Variants in ALK observed in about 807,000 individuals in gnomAD.
ALK encodes ALK receptor tyrosine kinase.
In ALK, 74 loss-of-function variants were observed where a neutral mutation model predicts 163.1. The observed-to-expected ratio is 0.45, with a 90% CI of 0.38 to 0.55. The LOEUF (loss-of-function observed/expected upper bound fraction) is 0.55. Among genes scored for constraint, ALK ranks in the 20% least tolerant of loss-of-function variants. The pLI is 0.00. For synonymous variants in ALK, 960 were observed against 843.2 expected, an observed-to-expected ratio of 1.14 and a Z score of -2.40; for missense variants, 2,063 against 2,105.3, an observed-to-expected ratio of 0.98 and a Z score of 0.39.
chr2:29,454,530 T>C (rs1373778851), intron 4 of ALK, among the ~76,000 whole-genome samples: 2 of 152,124 alleles, frequency 1.3e-5, no homozygotes, highest in Non-Finnish European at 2.9e-5. Flanking sequence ...GACACGAAGA[T>C]CTGATTGTAT....
chr2:29,728,969 G>C (rs1254378670), intron 1 of ALK, among the ~76,000 whole-genome samples: 1 of 152,186 alleles, frequency 6.6e-6, no homozygotes, highest in Non-Finnish European at 1.5e-5. Context: ...GATCAACCTA[G>C]AAGGCCATCT....
intron 3 of ALK, among the ~76,000 whole-genome samples, chr2:29,631,067 C>T (rs1558416782): frequency 6.6e-6 from 1 of 152,192 alleles, no homozygotes; most frequent in East Asian, 1.9e-4. Context: ...CTAACTGAAT[C>T]TACACAAACT....
intron 3 of ALK, among the ~76,000 whole-genome samples, chr2:29,641,877 C>T (rs1427964012): frequency 6.6e-6 from 1 of 152,092 alleles, no homozygotes; most frequent in East Asian, 1.9e-4. Flanking sequence ...AGTCTCTGGG[C>T]CTCAGTTTTG....
intron 1 of ALK, among the ~76,000 whole-genome samples, chr2:29,737,577 G>A (rs549297320): frequency 6.6e-6 from 1 of 152,000 alleles, no homozygotes; most frequent in Non-Finnish European, 1.5e-5. Flanking sequence ...ACTGCTCTGG[G>A]CTCCACAGTG....
At chr2:29,771,487 G>A (rs1681021429) in intron 1 of ALK, among the ~76,000 whole-genome samples, 1 of 152,052 alleles carries the variant, frequency 6.6e-6, no homozygotes, top group African/African-American at 2.4e-5. Context: ...ATGGAGTGAT[G>A]TCTTCCAAAA....
Position 29,708,626 on chromosome 2 carries a change from A to G in ALK, c.787+8952T>C, listed in dbSNP as rs77234270. 9.0e-3 allele frequency among the ~76,000 whole-genome samples: 1,377 copies of G among 152,272 alleles called. 23 individuals carry two copies. The highest frequency in any genetic ancestry group is 0.032 in the African/African-American group (1,324 of 41,552). On this transcript the variant is annotated intron_variant, in intron 2 of 28. Coordinates refer to ENST00000389048, the MANE Select transcript of ALK (RefSeq NM_004304.5). ...AGGTATTCAAGGGATGAGTTGTGTAAAGCAACAGATGGGACTGAAATGTGA... is the reference window on the plus strand; with the variant it reads ...AGGTATTCAAGGGATGAGTTGTGTAGAGCAACAGATGGGACTGAAATGTGA...
chr2:29,637,738 T>C (rs1300304717), intron 3 of ALK, among the ~76,000 whole-genome samples: 1 of 142,960 alleles, frequency 7.0e-6, no homozygotes, highest in Non-Finnish European at 1.5e-5. Context: ...CTCTTTGTGG[T>C]GCTGGGAATG....
intron 4 of ALK, among the ~76,000 whole-genome samples, chr2:29,394,576 T>C (rs905549981): frequency 1.3e-5 from 2 of 152,064 alleles, no homozygotes; most frequent in African/African-American, 4.8e-5. Context: ...CAGGAATCAC[T>C]TAGAATTAGA....
chr2:29,524,499 C>A (rs1205915418), intron 4 of ALK, among the ~76,000 whole-genome samples: 2 of 152,182 alleles, frequency 1.3e-5, no homozygotes, highest in Admixed American at 1.3e-4. Flanking sequence ...ATTATGGAAG[C>A]TCTCTGAGAT....
intron 3 of ALK, among the ~76,000 whole-genome samples, chr2:29,638,241 G>T (rs1676601029): frequency 6.6e-6 from 1 of 152,198 alleles, no homozygotes; most frequent in Non-Finnish European, 1.5e-5. Flanking sequence ...AAAGGTAATG[G>T]TGTCTACCAC....
In ALK at chr2:29,717,560, T is replaced by C. The variant is rs1298904923; in HGVS notation, c.787+18A>G. The C allele has an allele frequency of 5.0e-6, 8 of 1,613,818 alleles. No homozygotes were observed. The South Asian group carries it at 7.7e-5, about 16-fold the overall frequency. On this transcript the variant is annotated intron_variant, in intron 2 of 28. Coordinates refer to ENST00000389048, the MANE Select transcript of ALK (RefSeq NM_004304.5). The stretch of plus-strand genomic sequence containing the variant: ...ATAGTGACAGTGTATCTCAAGTAAA[T>C]ATTAAACATATACTTACCATATCGG...
At chr2:29,205,605 T>C (rs998513839) in intron 26 of ALK, among the ~76,000 whole-genome samples, 1 of 152,194 alleles carries the variant, frequency 6.6e-6, no homozygotes, top group African/African-American at 2.4e-5. Context: ...TGGCTTCTGG[T>C]GGCTGCGGGA....
chr2:29,646,193 A>G (rs753823495), intron 3 of ALK, among the ~76,000 whole-genome samples: 1 of 152,044 alleles, frequency 6.6e-6, no homozygotes, highest in Non-Finnish European at 1.5e-5. Context: ...TTCTAACCCC[A>G]ATTAATTGCA....
At chr2:29,248,892 G>C (rs1181294932) in intron 12 of ALK, among the ~76,000 whole-genome samples, 7 of 152,276 alleles carry the variant, frequency 4.6e-5, no homozygotes, top group Non-Finnish European at 1.0e-4. Context: ...TTGGAGACAG[G>C]AAAAGTCAGA....
chr2:29,338,374 C>T (rs1273510963), intron 5 of ALK, among the ~76,000 whole-genome samples: 1 of 152,172 alleles, frequency 6.6e-6, no homozygotes, highest in Non-Finnish European at 1.5e-5. Flanking sequence ...TTACCATAAA[C>T]CTTTGCTGGT....
At chr2:29,388,269 GAC>G (rs1669080950) in intron 4 of ALK, among the ~76,000 whole-genome samples, 1 of 152,168 alleles carries the variant, frequency 6.6e-6, no homozygotes, top group South Asian at 2.1e-4. Flanking sequence ...AGAATGAAGG[GAC>G]ACTTTATGAC....
intron 1 of ALK, among the ~76,000 whole-genome samples, chr2:29,722,328 C>T (rs978705370): frequency 8.5e-5 from 13 of 152,188 alleles, no homozygotes; most frequent in African/African-American, 3.1e-4. Flanking sequence ...TAACTGAAGA[C>T]TCTTTGCTGA....
At chr2:29,710,699 A>G (rs1171927931) in intron 2 of ALK, among the ~76,000 whole-genome samples, 1 of 152,116 alleles carries the variant, frequency 6.6e-6, no homozygotes, top group African/African-American at 2.4e-5. Flanking sequence ...TTTAGTAGAG[A>G]CAGGGTTTCA....
At chr2:29,873,778 C>T (rs1666635050) in intron 1 of ALK, among the ~76,000 whole-genome samples, 1 of 151,888 alleles carries the variant, frequency 6.6e-6, no homozygotes, top group African/African-American at 2.4e-5. Context: ...TATGAAAATG[C>T]CACCAAGACA....
Sources: gnomAD v4.1 joint callset for allele counts (sites outside exome capture counted in the v4.1 genomes callset) on GRCh38, gnomAD v4.1.1 for gene constraint, MANE v1.5 for transcripts, NCBI Gene and HGNC (gene_info 2026-07-23, HGNC 2026-07-21) for gene names.